SPON1: variants seen among roughly 807,000 people sequenced by gnomAD.
SPON1 encodes the protein spondin-1.
SPON1 carries 52 observed loss-of-function variants against 111.7 expected under a neutral mutation model. The ratio of observed to expected loss-of-function variants is 0.47; its 90% CI spans 0.37 to 0.59. The LOEUF (loss-of-function observed/expected upper bound fraction) is 0.59. Ranked by LOEUF, SPON1 falls within the 20% of genes least tolerant of loss-of-function variation. The pLI is 0.00. For missense variants in SPON1, 957 were observed against 1,068.5 expected (o/e 0.90, Z 1.46); for synonymous variants, 410 against 395.8 (o/e 1.04, Z -0.43).
intron 4 of SPON1, among the ~76,000 whole-genome samples, chr11:14,077,192 G>A (rs1310308808): frequency 2.6e-5 from 4 of 152,174 alleles, no homozygotes; most frequent in Non-Finnish European, 5.9e-5. Flanking sequence ...GAGGGTGTCA[G>A]TGAAGTATCT....
At chr11:14,137,067 G>A (rs2133861645) in intron 6 of SPON1, among the ~76,000 whole-genome samples, 1 of 152,320 alleles carries the variant, frequency 6.6e-6, no homozygotes, top group East Asian at 1.9e-4. Flanking sequence ...AAGTTTGCCA[G>A]TTAATTACAT....
chr11:14,188,576 A>G (rs946034525), intron 6 of SPON1, among the ~76,000 whole-genome samples: 10 of 152,170 alleles, frequency 6.6e-5, no homozygotes, highest in Non-Finnish European at 1.2e-4. Context: ...GAATAAGCTC[A>G]TAGCTTCATA....
chr11:14,133,651 C>T (rs75037029), intron 5 of SPON1, among the ~76,000 whole-genome samples: 415 of 152,282 alleles, frequency 2.7e-3, no homozygotes, highest in African/African-American at 8.9e-3. Context: ...GTGTCCACAT[C>T]ACGAACCTAA....
intron 2 of SPON1, among the ~76,000 whole-genome samples, chr11:13,996,246 G>A (rs1404997829): frequency 3.3e-5 from 5 of 152,088 alleles, no homozygotes; most frequent in Admixed American, 2.6e-4. Context: ...CTCACTTGGT[G>A]TAAAATGCCT....
intron 6 of SPON1, among the ~76,000 whole-genome samples, chr11:14,164,325 A>G (rs184472235): frequency 3.3e-5 from 5 of 152,302 alleles, no homozygotes; most frequent in Admixed American, 3.3e-4. Flanking sequence ...TCAGGATACC[A>G]GTTGTCAGCT....
At chr11:13,963,436 T>C (rs868908932) in intron 1 of SPON1, among the ~76,000 whole-genome samples, 59 of 152,192 alleles carry the variant, frequency 3.9e-4, no homozygotes, top group South Asian at 2.1e-4. Flanking sequence ...CCGGCCTGAC[T>C]GCAAGGGAGG....
intron 2 of SPON1, among the ~76,000 whole-genome samples, chr11:13,998,858 C>T (rs1554912117): frequency 6.6e-6 from 1 of 152,188 alleles, no homozygotes; most frequent in East Asian, 1.9e-4. Context: ...AAATCATTTT[C>T]AAATACATGA....
intron 6 of SPON1, among the ~76,000 whole-genome samples, chr11:14,170,700 C>T (rs1299109231): frequency 2.0e-5 from 3 of 152,014 alleles, no homozygotes; most frequent in Admixed American, 6.6e-5. Context: ...GAGTTTTTAG[C>T]ATGAAGTTGT....
intron 5 of SPON1, among the ~76,000 whole-genome samples, chr11:14,107,085 C>T (rs1849190521): frequency 6.6e-6 from 1 of 152,162 alleles, no homozygotes; most frequent in Non-Finnish European, 1.5e-5. Flanking sequence ...TGGAGCCTCC[C>T]AGGGTCTTGC....
rs73426200 is a variant in SPON1, at chr11:14,258,032, A to T, written c.1492+134A>T. ...GATGTCAGTGGGGTCCACCTTGGGC[A>T]AACTCCTATCTGCAACAGTGTCTTG... is the stretch of plus-strand genomic sequence containing the variant. On this transcript the variant is annotated intron_variant, in intron 11 of 15. Transcript: ENST00000576479. The T allele has an allele frequency of 5.3e-4, 384 of 727,086 alleles. No individual in the cohort carries two copies. In the African/African-American group the frequency reaches 6.2e-3, roughly 12 times the overall value. The allele number at this position is 727,086 out of a possible 1,614,324, so 45.0% of individuals were successfully genotyped here.
chr11:13,973,726 T>C (rs531519919), intron 1 of SPON1, among the ~76,000 whole-genome samples: 1 of 152,342 alleles, frequency 6.6e-6, no homozygotes, highest in East Asian at 1.9e-4. Context: ...TTAATTGTCA[T>C]GATGACAACA....
At chr11:14,194,214 C>T (rs1312811994) in intron 6 of SPON1, among the ~76,000 whole-genome samples, 2 of 152,122 alleles carry the variant, frequency 1.3e-5, no homozygotes, top group Admixed American at 6.5e-5. Context: ...TTAAATCTTC[C>T]CATTGGTGTG....
intron 9 of SPON1, 95 bp downstream of exon 9, chr11:14,255,882 G>A (rs1030567490): frequency 4.5e-6 from 6 of 1,330,466 alleles, no homozygotes; most frequent in South Asian, 1.5e-5. Flanking sequence ...AGAGTCACTG[G>A]CAGAAAGCAC....
intron 11 of SPON1, 79 bp downstream of exon 11, chr11:14,257,977 C>T: frequency 1.5e-6 from 2 of 1,357,600 alleles, no homozygotes; most frequent in Non-Finnish European, 1.9e-6. Context: ...AGACAGTGTC[C>T]CTGGTGAGGG....
chr11:14,127,646 A>C (rs1473120299), intron 5 of SPON1, among the ~76,000 whole-genome samples: 1 of 152,268 alleles, frequency 6.6e-6, no homozygotes, highest in East Asian at 1.9e-4. Context: ...TGAGAATAGC[A>C]TCTGTATTAA....
intron 5 of SPON1, among the ~76,000 whole-genome samples, chr11:14,097,403 C>G (rs1237565141): frequency 2.0e-5 from 3 of 152,112 alleles, no homozygotes; most frequent in Admixed American, 2.0e-4. Flanking sequence ...TTTGCTGTTT[C>G]ATTCTTATAT....
chr11:14,178,253 T>C (rs1848201003), intron 6 of SPON1, among the ~76,000 whole-genome samples: 1 of 151,996 alleles, frequency 6.6e-6, no homozygotes, highest in South Asian at 2.1e-4. Context: ...AAACCCCATC[T>C]CTACTAAAAA....
At chr11:14,221,664 C>T (rs1848682429) in intron 6 of SPON1, among the ~76,000 whole-genome samples, 1 of 152,190 alleles carries the variant, frequency 6.6e-6, no homozygotes, top group Non-Finnish European at 1.5e-5. Flanking sequence ...TCTTCTTCAT[C>T]CTCAGCCCCA....
At chr11:13,978,476 G>A (rs73418492) in intron 1 of SPON1, among the ~76,000 whole-genome samples, 2,770 of 152,196 alleles carry the variant, frequency 0.018, 81 homozygotes, top group African/African-American at 0.064. Flanking sequence ...AATGTGTAAA[G>A]AAACACATAA....
Sources: gnomAD v4.1 joint callset for allele counts (sites outside exome capture counted in the v4.1 genomes callset) on GRCh38, gnomAD v4.1.1 for gene constraint, MANE v1.5 for transcripts, NCBI Gene and HGNC (gene_info 2026-07-23, HGNC 2026-07-21) for gene names.